LAMA4: variants seen among roughly 807,000 people sequenced by gnomAD.
LAMA4 encodes the protein laminin subunit alpha-4.
LAMA4 carries 127 observed loss-of-function variants against 207.1 expected under a neutral mutation model. The observed-to-expected ratio is 0.61, with a 90% CI of 0.53 to 0.71. LAMA4 has a LOEUF of 0.71. LAMA4 is among the 30% of genes least tolerant of loss of function. LAMA4 has a pLI of 0.00. For missense variants in LAMA4, 2,093 were observed against 2,246.5 expected (o/e 0.93, Z 1.38); for synonymous variants, 761 against 816.0 (o/e 0.93, Z 1.15).
chr6:112,173,182 GTAA>G (rs1399843558), intron 11 of LAMA4, among the ~76,000 whole-genome samples: 1 of 152,108 alleles, frequency 6.6e-6, no homozygotes, highest in East Asian at 1.9e-4. Flanking sequence ...TATCTTGTCG[GTAA>G]TAAGGCAAAA....
Position 112,187,573 on chromosome 6 carries a change from A to G in LAMA4, c.843T>C (p.Thr281=). 6.2e-7 allele frequency: 1 copy of G among 1,614,112 alleles called. No homozygotes were observed. The highest frequency in any genetic ancestry group is 1.6e-4 in the Middle Eastern group (1 of 6,062). ...AGAGCGCTGCTAACCGCAGGTCATC[A>G]GTCAGGTCCCAGACGCACTTATCAC... is the stretch of plus-strand genomic sequence containing the variant. ...ISCDKCVWDL[T]DDLRLAALSI... is the part of the protein sequence containing the mutation. The change falls in exon 8 of 39, where the codon ACT becomes ACC. Residue 281 remains threonine, a synonymous_variant. Transcript: ENST00000230538.
intron 23 of LAMA4, 47 bp downstream of exon 23, chr6:112,139,705 C>T: frequency 6.2e-7 from 1 of 1,603,382 alleles, no homozygotes; most frequent in Non-Finnish European, 8.5e-7. Context: ...CTATCTGCTG[C>T]TCTTGCATGA....
At chr6:112,189,496 T>C (rs1159024285) in intron 6 of LAMA4, among the ~76,000 whole-genome samples, 5 of 152,312 alleles carry the variant, frequency 3.3e-5, no homozygotes, top group African/African-American at 1.2e-4. Context: ...GTGCAATTGC[T>C]TTAGTCCAAA....
At chr6:112,239,556 T>C (rs910359723) in intron 2 of LAMA4, among the ~76,000 whole-genome samples, 1 of 152,160 alleles carries the variant, frequency 6.6e-6, no homozygotes, top group Admixed American at 6.5e-5. Context: ...CAGGTTACAA[T>C]GCATTTCACA....
At chr6:112,190,711 T>C (rs1554348293) in intron 6 of LAMA4, among the ~76,000 whole-genome samples, 2 of 152,236 alleles carry the variant, frequency 1.3e-5, no homozygotes, top group Admixed American at 1.3e-4. Context: ...TTTGAAATAT[T>C]TACCTCTTAT....
chr6:112,243,903 C>T (rs1178169614), intron 2 of LAMA4, among the ~76,000 whole-genome samples: 2 of 151,778 alleles, frequency 1.3e-5, no homozygotes, highest in Non-Finnish European at 1.5e-5. Context: ...ACCAAAAGTA[C>T]AAAAATTAGC....
chr6:112,193,221 T>C (rs1396326869), intron 5 of LAMA4, among the ~76,000 whole-genome samples: 6 of 151,958 alleles, frequency 3.9e-5, no homozygotes, highest in African/African-American at 1.5e-4. Flanking sequence ...GTTTTGAGCA[T>C]GATGGAAGTG....
chr6:112,135,737 CTTG>C, intron 25 of LAMA4: 1 of 194,728 alleles, frequency 5.1e-6, no homozygotes, highest in Non-Finnish European at 1.1e-5. Flanking sequence ...TATATGTATT[CTTG>C]TTAAATTTGG....
chr6:112,128,852 C>T, intron 31 of LAMA4, 70 bp downstream of exon 31: 4 of 1,339,586 alleles, frequency 3.0e-6, no homozygotes, highest in Non-Finnish European at 3.2e-6. Context: ...TTCTCTAAAA[C>T]AGCAGTGTCT....
intron 3 of LAMA4, among the ~76,000 whole-genome samples, chr6:112,208,166 A>G (rs1259517691): frequency 6.8e-6 from 1 of 147,790 alleles, no homozygotes; most frequent in Non-Finnish European, 1.5e-5. Context: ...GTGAAAAATT[A>G]TACTGTTAGA....
chr6:112,145,546 G>C (rs1467919953), intron 18 of LAMA4, among the ~76,000 whole-genome samples: 2 of 152,198 alleles, frequency 1.3e-5, no homozygotes, highest in African/African-American at 4.8e-5. Flanking sequence ...GCAAGCAGCC[G>C]AGACAGAGCA....
chr6:112,124,508 A>C (rs1334855732), intron 31 of LAMA4, among the ~76,000 whole-genome samples: 1 of 152,200 alleles, frequency 6.6e-6, no homozygotes, highest in Non-Finnish European at 1.5e-5. Context: ...TAACTTAATT[A>C]CTTTATACCA....
In LAMA4 at chr6:112,120,403, T is replaced by G; in HGVS notation, c.4545A>C (p.Glu1515Asp). ...HGMIFYVSDQEENDFMTLFLA... is the reference protein window; with the variant it reads ...HGMIFYVSDQDENDFMTLFLA... ...AAAATAGAGTCATGAAGTCATTCTCTTCTTGATCTGAGACATAGAAGATCA... is the reference window on the plus strand; with the variant it reads ...AAAATAGAGTCATGAAGTCATTCTCGTCTTGATCTGAGACATAGAAGATCA... The change falls in exon 33 of 39, where the codon GAA (glutamate) becomes GAC (aspartate). Residue 1515 changes from glutamate to aspartate, a missense_variant. Transcript: ENST00000230538. 1 of 1,614,020 alleles carries G rather than the reference T, an allele frequency of 6.2e-7. No individual in the cohort carries two copies. Among genetic ancestry groups the G allele is most frequent in the African/African-American group, 1.3e-5 (1 of 75,058 alleles).
At position 112,139,209 on chromosome 6, in the gene LAMA4, T is replaced by C; in HGVS notation, c.3193A>G (p.Arg1065Gly). 1 of 1,614,188 alleles carries C rather than the reference T, an allele frequency of 6.2e-7. No individual in the cohort carries two copies. The highest frequency in any genetic ancestry group is 2.2e-5 in the East Asian group (1 of 44,872). ...SGYAVVRDIT[R>G]RGKFGQVTRF... ...GTCACCTGACCAAATTTCCCTCTCC[T>C]TGTGATGTCTCTCACCACGGCATAA... Residue 1065 changes from arginine (R) to glycine (G), a missense_variant, in exon 24 of 39, where the codon AGG (arginine) becomes GGG (glycine). Physicochemically the swap from Arg to Gly is moderately radical, Grantham distance 125. Coordinates refer to ENST00000230538, the MANE Select transcript of LAMA4 (RefSeq NM_001105206.3).
At chr6:112,215,984 T>G (rs1302622216) in intron 3 of LAMA4, among the ~76,000 whole-genome samples, 1 of 152,234 alleles carries the variant, frequency 6.6e-6, no homozygotes, top group African/African-American at 2.4e-5. Context: ...AGGCAACAAC[T>G]GTTTCATTCT....
intron 3 of LAMA4, 63 bp downstream of exon 3, chr6:112,216,305 A>G: frequency 9.0e-7 from 1 of 1,105,060 alleles, no homozygotes; most frequent in Admixed American, 1.7e-5. Flanking sequence ...AAAATATTTT[A>G]TCTTCACCCA....
At chr6:112,192,327 G>C (rs1413902500) in intron 5 of LAMA4, among the ~76,000 whole-genome samples, 3 of 152,230 alleles carry the variant, frequency 2.0e-5, no homozygotes, top group Non-Finnish European at 1.5e-5. Context: ...CTATTCTCCT[G>C]GCTGAAAGGG....
intron 31 of LAMA4, among the ~76,000 whole-genome samples, chr6:112,123,665 T>G (rs781892958): frequency 1.3e-5 from 2 of 152,204 alleles, no homozygotes; most frequent in South Asian, 4.1e-4. Context: ...AGACGAGCTG[T>G]GCCAGTGTCT....
intron 18 of LAMA4, among the ~76,000 whole-genome samples, chr6:112,145,751 T>G (rs1015864862): frequency 2.0e-5 from 3 of 152,184 alleles, no homozygotes; most frequent in Non-Finnish European, 4.4e-5. Context: ...GTTTCTATTT[T>G]TGTGACATTT....
Sources: allele counts gnomAD v4.1 joint callset (sites outside exome capture counted in the v4.1 genomes callset), GRCh38; gene constraint gnomAD v4.1.1; transcripts MANE v1.5; gene names NCBI Gene and HGNC (gene_info 2026-07-23, HGNC 2026-07-21).